The following AGAP1 variants were observed in gnomAD, a reference collection of about 807,000 sequenced individuals.
AGAP1 encodes the protein arf-GAP with GTPase, ANK repeat and PH domain-containing protein 1.
A neutral mutation model predicts 105.3 loss-of-function variants in AGAP1; 29 were observed. The ratio of observed to expected loss-of-function variants is 0.28; its 90% CI spans 0.21 to 0.38. The LOEUF is 0.38. AGAP1 is among the 10% of genes least tolerant of loss of function. The pLI, the probability that AGAP1 is intolerant of heterozygous loss-of-function variation, is 1.00. For missense variants in AGAP1, 998 were observed against 1,165.1 expected, an observed-to-expected ratio of 0.86 and a Z score of 2.09; for synonymous variants, 509 against 485.9, an observed-to-expected ratio of 1.05 and a Z score of -0.63.
At chr2:235,812,929 G>C (rs369345823) in intron 9 of AGAP1, among the ~76,000 whole-genome samples, 2 of 152,224 alleles carry the variant, frequency 1.3e-5, no homozygotes, top group African/African-American at 2.4e-5. Context: ...GTGAACTGCC[G>C]TGCCCTGCAA....
chr2:235,669,759 C>G (rs561415809), intron 1 of AGAP1: 1 of 147,906 alleles, frequency 6.8e-6, no homozygotes, highest in Admixed American at 6.7e-5. Context: ...CGCACGGGCC[C>G]CGCGTCGTAG....
chr2:235,780,449 T>G (rs1956191495), intron 6 of AGAP1, among the ~76,000 whole-genome samples: 1 of 152,146 alleles, frequency 6.6e-6, no homozygotes, highest in African/African-American at 2.4e-5. Context: ...TTGGTGGTTT[T>G]TTATTTTTTT....
At position 235,724,665 on chromosome 2, in the gene AGAP1, A is replaced by G. The variant is rs1951561394; in HGVS notation, c.310+7021A>G. Reference sequence around the variant, plus strand: ...GAAGAAACCTGAACATCCAGTGCTCATGAGGAAAAGCTTTAAGAGAAAATA... The same window carrying G: ...GAAGAAACCTGAACATCCAGTGCTCGTGAGGAAAAGCTTTAAGAGAAAATA... On this transcript the variant is annotated intron_variant, in intron 3 of 17. Coordinates refer to ENST00000304032, the MANE Select transcript of AGAP1 (RefSeq NM_001037131.3). This position sits in a 1 kb window ranked among gnomAD's most constrained non-coding sequence, Gnocchi z 4.9. Among the ~76,000 whole-genome samples, 1 of 152,210 alleles carries G rather than the reference A, an allele frequency of 6.6e-6. No individual in the cohort carries two copies. The highest frequency in any genetic ancestry group is 2.4e-5 in the African/African-American group (1 of 41,456).
chr2:235,755,665 TC>T, intron 6 of AGAP1, among the ~76,000 whole-genome samples: 1 of 152,362 alleles, frequency 6.6e-6, no homozygotes, highest in South Asian at 2.1e-4. Flanking sequence ...GGTCTTGAAA[TC>T]CTGGCCTCAA....
rs1018532814 is a variant in AGAP1, at chr2:235,689,167, C to G, written c.164-20012C>G. On this transcript the variant is annotated intron_variant, in intron 1 of 17. Transcript: ENST00000304032. The surrounding 1 kb of genome is among the most constrained non-coding windows in gnomAD (Gnocchi z 4.2). ...GGGGCTTCAGGGCTTCTGCGCTTTGCTGGCCCTTGTGCTGCCTTCGGTAGA... is the reference window on the plus strand; with the variant it reads ...GGGGCTTCAGGGCTTCTGCGCTTTGGTGGCCCTTGTGCTGCCTTCGGTAGA... 2.6e-5 allele frequency among the ~76,000 whole-genome samples: 4 copies of G among 152,240 alleles called. No individual in the cohort carries two copies. The highest frequency in any genetic ancestry group is 2.0e-4 in the Admixed American group (3 of 15,290).
chr2:235,727,230 A>G (rs1053368184), intron 3 of AGAP1, among the ~76,000 whole-genome samples: 2 of 152,026 alleles, frequency 1.3e-5, no homozygotes, highest in Non-Finnish European at 2.9e-5. Context: ...GAGCAGGAGT[A>G]TGATAGACTA....
At chr2:235,895,803 A>G (rs2050780972) in intron 10 of AGAP1, among the ~76,000 whole-genome samples, 2 of 152,158 alleles carry the variant, frequency 1.3e-5, no homozygotes. Flanking sequence ...GTGTCGGACT[A>G]GAGTTCCTAA....
chr2:235,585,351 C>T (rs1945072984), intron 1 of AGAP1, among the ~76,000 whole-genome samples: 2 of 152,136 alleles, frequency 1.3e-5, no homozygotes, highest in African/African-American at 2.4e-5. Flanking sequence ...GTGGTAGCTG[C>T]GTGGCCTGCT....
In AGAP1 at chr2:235,556,980, A is replaced by G. The variant is rs1004181993; in HGVS notation, c.163+62131A>G. On this transcript the variant is annotated intron_variant, in intron 1 of 17. Coordinates refer to ENST00000304032, the MANE Select transcript of AGAP1 (RefSeq NM_001037131.3). This position sits in a 1 kb window ranked among gnomAD's most constrained non-coding sequence, Gnocchi z 5.3. ...TCTGAGGATATAGCGTTTAGTGCACACCTCTTTTGTGCAACTCAGGGCTTT... is the reference window on the plus strand; with the variant it reads ...TCTGAGGATATAGCGTTTAGTGCACGCCTCTTTTGTGCAACTCAGGGCTTT... Among the ~76,000 whole-genome samples the G allele has an allele frequency of 6.6e-5, 10 of 151,954 alleles. No homozygotes were observed. The highest frequency in any genetic ancestry group is 1.2e-4 in the Non-Finnish European group (8 of 68,016).
intron 6 of AGAP1, among the ~76,000 whole-genome samples, chr2:235,782,965 TGTG>T (rs1559481538): frequency 6.6e-6 from 1 of 152,088 alleles, no homozygotes; most frequent in African/African-American, 2.4e-5. Context: ...TGCAATAAAT[TGTG>T]GTTTGTTTAT....
Position 235,728,757 on chromosome 2 carries a change from A to C in AGAP1, c.310+11113A>C, listed in dbSNP as rs757323279. Among the ~76,000 whole-genome samples the C allele has an allele frequency of 2.0e-5, 3 of 152,176 alleles. No homozygotes were observed. Among genetic ancestry groups the C allele is most frequent in the Non-Finnish European group, 4.4e-5 (3 of 68,018 alleles). The stretch of plus-strand genomic sequence containing the variant: ...CACTTGCTCTTTGAAGGCCAAATAC[A>C]TTGAAATGAAAGCGTGCCTAGTGGA... On this transcript the variant is annotated intron_variant, in intron 3 of 17. Coordinates refer to ENST00000304032, the MANE Select transcript of AGAP1 (RefSeq NM_001037131.3). This position sits in a 1 kb window ranked among gnomAD's most constrained non-coding sequence, Gnocchi z 4.3.
Position 235,606,624 on chromosome 2 carries a change from C to T in AGAP1, c.164-102555C>T, listed in dbSNP as rs529682670. Among the ~76,000 whole-genome samples the T allele has an allele frequency of 1.5e-3, 222 of 152,314 alleles. 2 individuals carry two copies. The highest frequency in any genetic ancestry group is 3.7e-3 in the South Asian group (18 of 4,824). Reference sequence around the variant, plus strand: ...CAGAACTTCAAAGAAAGAAGGAACACTGCTTACCTTAAATTTTAATTGTTT... The same window carrying T: ...CAGAACTTCAAAGAAAGAAGGAACATTGCTTACCTTAAATTTTAATTGTTT... On this transcript the variant is annotated intron_variant, in intron 1 of 17. Coordinates refer to ENST00000304032, the MANE Select transcript of AGAP1 (RefSeq NM_001037131.3).
chr2:235,803,920 A>G (rs564125700), intron 8 of AGAP1, among the ~76,000 whole-genome samples: 2 of 152,342 alleles, frequency 1.3e-5, no homozygotes, highest in Non-Finnish European at 2.9e-5. Flanking sequence ...TAGTTTGGTA[A>G]TATGGGTTCT....
At chr2:235,672,519 C>T (rs1948491989) in intron 1 of AGAP1, among the ~76,000 whole-genome samples, 1 of 152,226 alleles carries the variant, frequency 6.6e-6, no homozygotes, top group Non-Finnish European at 1.5e-5. Flanking sequence ...ATTATCCCAT[C>T]CCTTCATGTA....
chr2:235,611,835 CAAAG>C lies in AGAP1; in HGVS notation c.164-97340_164-97337del, dbSNP rs1348344621. Among the ~76,000 whole-genome samples the C allele has an allele frequency of 3.3e-5, 5 of 152,282 alleles. No individual in the cohort carries two copies. The highest frequency in any genetic ancestry group is 4.8e-5 in the African/African-American group (2 of 41,570). On this transcript the variant is annotated intron_variant, in intron 1 of 17. Transcript: ENST00000304032. The surrounding 1 kb of genome is among the most constrained non-coding windows in gnomAD (Gnocchi z 5.0). ...ATATAAATTAGATTTACATAGGAGACAAAGAAATCCTTCCCTCCCTGTTCCAGTT... is the reference window on the plus strand; with the variant it reads ...ATATAAATTAGATTTACATAGGAGACAAATCCTTCCCTCCCTGTTCCAGTT...
intron 13 of AGAP1, among the ~76,000 whole-genome samples, chr2:235,998,477 A>G (rs986376925): frequency 1.3e-5 from 2 of 152,204 alleles, no homozygotes; most frequent in Non-Finnish European, 2.9e-5. Context: ...GTGGGGCTTC[A>G]ACCTAGTTCT....
Position 235,596,681 on chromosome 2 carries a change from A to G in AGAP1, c.163+101832A>G, listed in dbSNP as rs898464530. On this transcript the variant is annotated intron_variant, in intron 1 of 17. Coordinates refer to ENST00000304032, the MANE Select transcript of AGAP1 (RefSeq NM_001037131.3). This position sits in a 1 kb window ranked among gnomAD's most constrained non-coding sequence, Gnocchi z 5.9. ...TATTTTTAGAATAATAGACTTTTAG[A>G]TAGAAGAGAAACCTCGGAGGTCAAT... Among the ~76,000 whole-genome samples, 2 of 152,210 alleles carry G rather than the reference A, an allele frequency of 1.3e-5. No individual in the cohort carries two copies. Among genetic ancestry groups the G allele is most frequent in the Non-Finnish European group, 2.9e-5 (2 of 68,032 alleles).
chr2:236,118,111 ATCACTAGG>A (rs1209514484), intron 16 of AGAP1, among the ~76,000 whole-genome samples: 3 of 152,182 alleles, frequency 2.0e-5, no homozygotes, highest in African/African-American at 7.2e-5. Flanking sequence ...CCGACACTAG[ATCACTAGG>A]TGCAATGTAA....
At chr2:235,607,166 C>T (rs184350130) in intron 1 of AGAP1, among the ~76,000 whole-genome samples, 328 of 144,774 alleles carry the variant, frequency 2.3e-3, no homozygotes, top group Admixed American at 3.5e-3. Flanking sequence ...ACGGTGAGTT[C>T]GTTTGTTTCC....
Sources: gnomAD v4.1 joint callset for allele counts (sites outside exome capture counted in the v4.1 genomes callset) on GRCh38, gnomAD v4.1.1 for gene constraint, Gnocchi (gnomAD v3.1) non-coding constraint, MANE v1.5 for transcripts, NCBI Gene and HGNC (gene_info 2026-07-23, HGNC 2026-07-21) for gene names.